PEBP4: variants seen among roughly 807,000 people sequenced by gnomAD.
PEBP4 encodes the protein phosphatidylethanolamine binding protein 4.
A neutral mutation model predicts 23.9 loss-of-function variants in PEBP4; 22 were observed. That is an observed-to-expected ratio of 0.92 (90% CI 0.66 to 1.31). The LOEUF is 1.31. Ranked by LOEUF, PEBP4 falls within the 40% of genes most tolerant of loss-of-function variation. The pLI is 0.00. For missense variants in PEBP4, 324 were observed against 281.7 expected (o/e 1.15, Z -1.07); for synonymous variants, 112 against 99.3 (o/e 1.13, Z -0.76).
At chr8:22,857,747 C>T (rs1351939125) in intron 3 of PEBP4, among the ~76,000 whole-genome samples, 1 of 152,186 alleles carries the variant, frequency 6.6e-6, no homozygotes, top group Non-Finnish European at 1.5e-5. Flanking sequence ...AATACTGAAG[C>T]ATTCCTCATA....
chr8:22,925,055 G>A (rs1214691084), intron 2 of PEBP4: 15 of 985,262 alleles, frequency 1.5e-5, no homozygotes, highest in Non-Finnish European at 1.8e-5. Flanking sequence ...GGATCTTGAG[G>A]AGGGGTCAGT....
At chr8:22,786,774 G>T (rs1806036939) in intron 4 of PEBP4, among the ~76,000 whole-genome samples, 1 of 151,454 alleles carries the variant, frequency 6.6e-6, no homozygotes, top group South Asian at 2.1e-4. Flanking sequence ...GTGAGGGATT[G>T]TCAATATCCA....
chr8:22,718,190 C>T (rs766328579), intron 6 of PEBP4, among the ~76,000 whole-genome samples: 2 of 152,014 alleles, frequency 1.3e-5, no homozygotes, highest in Admixed American at 6.5e-5. Flanking sequence ...GGGTGACCTG[C>T]GTCTCCTCTG....
At chr8:22,721,983 C>T (rs1435328564) in intron 6 of PEBP4, among the ~76,000 whole-genome samples, 1 of 152,154 alleles carries the variant, frequency 6.6e-6, no homozygotes, top group Non-Finnish European at 1.5e-5. Flanking sequence ...ATGTCTCGAC[C>T]CCTCTGGTGG....
intron 3 of PEBP4, among the ~76,000 whole-genome samples, chr8:22,876,678 A>AT: frequency 6.6e-6 from 1 of 152,378 alleles, no homozygotes; most frequent in East Asian, 1.9e-4. Context: ...TGTTGTTGTG[A>AT]AAATAAACAG....
At chr8:22,918,929 G>GCA (rs1554497496) in intron 3 of PEBP4, among the ~76,000 whole-genome samples, 2 of 151,026 alleles carry the variant, frequency 1.3e-5, no homozygotes, top group African/African-American at 2.4e-5. Context: ...GTGTGTGTGT[G>GCA]CACATGTGCA....
intron 4 of PEBP4, among the ~76,000 whole-genome samples, chr8:22,745,129 G>C (rs911103933): frequency 6.6e-6 from 1 of 152,170 alleles, no homozygotes; most frequent in Non-Finnish European, 1.5e-5. Flanking sequence ...TGGAGACTTC[G>C]GACTTGCTCA....
chr8:22,813,837 C>T lies in PEBP4; in HGVS notation c.357+3800G>A, dbSNP rs902364747. ...CAGGTTCGGAGACTGGAGCCTAGTC[C>T]TGTTCCTGAGTTGATGGAAACCCAC... On this transcript the variant is annotated intron_variant, in intron 4 of 6. Coordinates refer to ENST00000256404, the MANE Select transcript of PEBP4 (RefSeq NM_144962.3). Among the ~76,000 whole-genome samples the T allele has an allele frequency of 2.6e-5, 4 of 152,314 alleles. No homozygotes were observed. In the South Asian group the frequency reaches 8.3e-4, roughly 32 times the overall value.
chr8:22,853,235 A>T (rs7822646), intron 3 of PEBP4, among the ~76,000 whole-genome samples: 141 of 152,268 alleles, frequency 9.3e-4, no homozygotes, highest in African/African-American at 3.2e-3. Context: ...CTCCTTTCCC[A>T]CACTGGCCTG....
chr8:22,767,639 G>A (rs1437633869), intron 4 of PEBP4, among the ~76,000 whole-genome samples: 1 of 152,052 alleles, frequency 6.6e-6, no homozygotes, highest in Non-Finnish European at 1.5e-5. Flanking sequence ...GTGTGTGGGA[G>A]ACTCTTGGGG....
intron 4 of PEBP4, among the ~76,000 whole-genome samples, chr8:22,751,473 G>GA (rs1360950882): frequency 3.3e-5 from 5 of 152,312 alleles, no homozygotes; most frequent in African/African-American, 1.2e-4. Context: ...GAATCTAGGT[G>GA]AATGTATCAA....
chr8:22,864,611 C>A (rs753726446), intron 3 of PEBP4, among the ~76,000 whole-genome samples: 3 of 152,130 alleles, frequency 2.0e-5, no homozygotes, highest in African/African-American at 4.8e-5. Context: ...CGAAGTGACT[C>A]GGAGGAAGCG....
At chr8:22,925,773 A>G (rs923252135) in intron 2 of PEBP4, among the ~76,000 whole-genome samples, 6 of 152,156 alleles carry the variant, frequency 3.9e-5, no homozygotes, top group Admixed American at 1.3e-4. Context: ...ATTGTGGCCC[A>G]GGCCTGCTGT....
intron 4 of PEBP4, among the ~76,000 whole-genome samples, chr8:22,791,678 T>C: frequency 6.6e-6 from 1 of 152,222 alleles, no homozygotes. Flanking sequence ...ATTCATCACA[T>C]ATATGTGTAA....
At chr8:22,856,861 C>T (rs1807664063) in intron 3 of PEBP4, among the ~76,000 whole-genome samples, 1 of 151,920 alleles carries the variant, frequency 6.6e-6, no homozygotes, top group Non-Finnish European at 1.5e-5. Flanking sequence ...TTTCCTGACA[C>T]CAAATTATTT....
Position 22,920,206 on chromosome 8 carries a change from A to T in PEBP4, c.236T>A (p.Val79Asp). ...QKITSWMEPI[V>D]KFPGAVDGAT... ...CACGTCCACGGCCCCCGGGAACTTGACTATCGGCTCCATCCAGGAGGTGAT... is the reference window on the plus strand; with the variant it reads ...CACGTCCACGGCCCCCGGGAACTTGTCTATCGGCTCCATCCAGGAGGTGAT... Residue 79 changes from valine to aspartate, a missense_variant, in exon 3 of 7, where the codon GTC becomes GAC. Val to Asp is a radical substitution (Grantham distance 152). Transcript: ENST00000256404. 1.2e-6 allele frequency: 2 copies of T among 1,611,466 alleles called. No individual in the cohort carries two copies. Among genetic ancestry groups the T allele is most frequent in the South Asian group, 2.2e-5 (2 of 90,954 alleles).
chr8:22,810,602 C>T (rs1400779970), intron 4 of PEBP4, among the ~76,000 whole-genome samples: 1 of 151,682 alleles, frequency 6.6e-6, no homozygotes, highest in Non-Finnish European at 1.5e-5. Flanking sequence ...CCAGCTGCCC[C>T]CTCAGAGCTG....
intron 3 of PEBP4, among the ~76,000 whole-genome samples, chr8:22,898,897 A>G (rs1585331858): frequency 1.3e-5 from 2 of 152,274 alleles, no homozygotes; most frequent in African/African-American, 4.8e-5. Flanking sequence ...GCAGAGAGGG[A>G]CGGGCCCCAC....
chr8:22,737,108 A>G (rs989565660), intron 4 of PEBP4, among the ~76,000 whole-genome samples: 2 of 152,146 alleles, frequency 1.3e-5, no homozygotes, highest in Admixed American at 6.6e-5. Flanking sequence ...AGCCTGGCCA[A>G]CTTGGCAAAA....
Sources: gnomAD v4.1 joint callset for allele counts (sites outside exome capture counted in the v4.1 genomes callset) on GRCh38, gnomAD v4.1.1 for gene constraint, MANE v1.5 for transcripts, NCBI Gene and HGNC (gene_info 2026-07-23, HGNC 2026-07-21) for gene names.